Variants in CDH5 observed in about 807,000 individuals in gnomAD.
The protein encoded by CDH5 is cadherin 5.
In CDH5, 28 loss-of-function variants were observed where a neutral mutation model predicts 62.0. That is an observed-to-expected ratio of 0.45 (90% confidence interval 0.33 to 0.62). The LOEUF (loss-of-function observed/expected upper bound fraction) is 0.62. Among genes scored for constraint, CDH5 ranks in the 20% least tolerant of loss-of-function variants. The pLI, the probability that CDH5 is intolerant of heterozygous loss-of-function variation, is 0.02. For missense variants in CDH5, 940 were observed against 1,065.1 expected (o/e 0.88, Z 1.63); for synonymous variants, 464 against 445.8 (o/e 1.04, Z -0.52).
At chr16:66,378,306 C>T (rs1394471966) in intron 1 of CDH5, among the ~76,000 whole-genome samples, 1 of 152,154 alleles carries the variant, frequency 6.6e-6, no homozygotes, top group African/African-American at 2.4e-5. Flanking sequence ...TTTGAACTTC[C>T]GGGCCAGACA....
At chr16:66,378,815 G>GATGAACCATC (rs1408417146) in intron 1 of CDH5, among the ~76,000 whole-genome samples, 70 of 152,336 alleles carry the variant, frequency 4.6e-4, no homozygotes, top group African/African-American at 1.6e-3. Flanking sequence ...ATCAAGGCAT[G>GATGAACCATC]AAGGGGGTCT....
intron 1 of CDH5, among the ~76,000 whole-genome samples, chr16:66,378,679 G>C (rs1160851399): frequency 6.6e-6 from 1 of 152,098 alleles, no homozygotes; most frequent in Non-Finnish European, 1.5e-5. Context: ...CCTCTTCCTG[G>C]AGACCTTCCC....
intron 2 of CDH5, among the ~76,000 whole-genome samples, chr16:66,383,230 A>G (rs1022331449): frequency 2.6e-5 from 4 of 152,162 alleles, no homozygotes; most frequent in Non-Finnish European, 4.4e-5. Flanking sequence ...GTAAAAAAAA[A>G]CTAAGGAACT....
In CDH5 at chr16:66,391,078, G is replaced by A. The variant is rs1333398964; in HGVS notation, c.969+488G>A. On this transcript the variant is annotated intron_variant, in intron 6 of 11. Coordinates refer to ENST00000341529, the MANE Select transcript of CDH5 (RefSeq NM_001795.5). ...CCACTGACACTGGATGCTGCTGACAGCCAGAGAAGCCAGATTAACTGAATC... is the reference window on the plus strand; with the variant it reads ...CCACTGACACTGGATGCTGCTGACAACCAGAGAAGCCAGATTAACTGAATC... 3.9e-5 allele frequency among the ~76,000 whole-genome samples: 6 copies of A among 152,194 alleles called. No individual in the cohort carries two copies. In the East Asian group the frequency reaches 7.7e-4, roughly 20 times the overall value.
rs1961228684 is a variant in CDH5, at chr16:66,398,530, T to G, written c.1560T>G (p.Thr520=). 14 of 1,592,942 alleles carry G rather than the reference T, an allele frequency of 8.8e-6. No individual in the cohort carries two copies. Among genetic ancestry groups the G allele is most frequent in the Non-Finnish European group, 1.2e-5 (14 of 1,160,604 alleles). The change falls in exon 10 of 12, where the codon ACT becomes ACG. Residue 520 remains threonine (T), a synonymous_variant. Coordinates refer to ENST00000341529, the MANE Select transcript of CDH5 (RefSeq NM_001795.5). ...TGAAGTTCAAATTCATCTTGAATAC[T>G]GAGAACAACTTTACCCTCACGGATA... is the stretch of plus-strand genomic sequence containing the variant. The part of the protein sequence containing the change: ...RNVKFKFILN[T]ENNFTLTDNH...
At chr16:66,396,410 G>C (rs113773700) in intron 8 of CDH5, among the ~76,000 whole-genome samples, 1 of 152,112 alleles carries the variant, frequency 6.6e-6, no homozygotes, top group Non-Finnish European at 1.5e-5. Flanking sequence ...GTTGCATCTC[G>C]GGCCTCACCC....
At chr16:66,397,127 C>G (rs1961199373) in intron 8 of CDH5, among the ~76,000 whole-genome samples, 1 of 152,208 alleles carries the variant, frequency 6.6e-6, no homozygotes, top group African/African-American at 2.4e-5. Context: ...TTTATACTTA[C>G]ATGAGATTGT....
chr16:66,375,137 A>G (rs1362562853), intron 1 of CDH5, among the ~76,000 whole-genome samples: 2 of 152,212 alleles, frequency 1.3e-5, no homozygotes, highest in Non-Finnish European at 2.9e-5. Context: ...CTTAGGCTCC[A>G]TACCTGTGCA....
chr16:66,385,728 A>G (rs147158658), intron 2 of CDH5, among the ~76,000 whole-genome samples: 97 of 152,360 alleles, frequency 6.4e-4, no homozygotes, highest in African/African-American at 2.1e-3. Flanking sequence ...ATAAACACAG[A>G]TAACCTCAAA....
chr16:66,386,305 G>T (rs1270482803), intron 2 of CDH5, among the ~76,000 whole-genome samples: 6 of 151,738 alleles, frequency 4.0e-5, no homozygotes, highest in Non-Finnish European at 8.8e-5. Flanking sequence ...TATTTTCAGG[G>T]GTACATGTCC....
At chr16:66,393,602 G>T (rs1961126484) in intron 7 of CDH5, among the ~76,000 whole-genome samples, 2 of 152,046 alleles carry the variant, frequency 1.3e-5, no homozygotes, top group Admixed American at 1.3e-4. Flanking sequence ...CTCCCACCAG[G>T]GCCCACCTCC....
intron 6 of CDH5, among the ~76,000 whole-genome samples, chr16:66,391,031 G>GT (rs1036339812): frequency 1.1e-4 from 17 of 152,230 alleles, no homozygotes; most frequent in Admixed American, 1.1e-3. Flanking sequence ...AAAACAGTGA[G>GT]TAATTGTGGT....
At chr16:66,397,700 TTTTTAA>T (rs930434252) in intron 8 of CDH5, among the ~76,000 whole-genome samples, 4 of 152,196 alleles carry the variant, frequency 2.6e-5, no homozygotes, top group African/African-American at 9.7e-5. Context: ...AATAATTAAA[TTTTTAA>T]TTTTAGGAAT....
chr16:66,373,301 G>A (rs1222061178), intron 1 of CDH5, among the ~76,000 whole-genome samples: 1 of 152,166 alleles, frequency 6.6e-6, no homozygotes, highest in East Asian at 1.9e-4. Flanking sequence ...TCAGTTTTCA[G>A]CTGTGGCTGC....
chr16:66,376,678 T>C (rs550425236), intron 1 of CDH5: 6 of 152,340 alleles, frequency 3.9e-5, no homozygotes, highest in East Asian at 1.9e-4. Flanking sequence ...GGCACTCAGA[T>C]GTGGGCTGAA....
At chr16:66,375,438 G>A (rs1960767550) in intron 1 of CDH5, among the ~76,000 whole-genome samples, 1 of 152,216 alleles carries the variant, frequency 6.6e-6, no homozygotes, top group South Asian at 2.1e-4. Context: ...GCTGAGGTGG[G>A]AGGATTGCTT....
chr16:66,397,155 T>C (rs182845061), intron 8 of CDH5, among the ~76,000 whole-genome samples: 1 of 152,324 alleles, frequency 6.6e-6, no homozygotes, highest in Admixed American at 6.5e-5. Context: ...GTGTAAGATA[T>C]TATATTCCAC....
intron 10 of CDH5, 88 bp from the exon 11 acceptor site, chr16:66,400,683 G>A (rs1278984824): frequency 1.3e-6 from 2 of 1,523,490 alleles, no homozygotes; most frequent in East Asian, 2.2e-5. Flanking sequence ...ACGCAGGCTG[G>A]TGCAGTCAGG....
At chr16:66,374,404 C>G (rs113949177) in intron 1 of CDH5, among the ~76,000 whole-genome samples, 2,930 of 152,334 alleles carry the variant, frequency 0.019, 104 homozygotes, top group African/African-American at 0.066. Context: ...TGACACACAG[C>G]TGCTGTGAGG....
Sources: allele counts gnomAD v4.1 joint callset (sites outside exome capture counted in the v4.1 genomes callset), GRCh38; gene constraint gnomAD v4.1.1; transcripts MANE v1.5; gene names NCBI Gene and HGNC (gene_info 2026-07-23, HGNC 2026-07-21).